The following LEPR variants were observed in gnomAD, a reference collection of about 807,000 sequenced individuals.
LEPR encodes the protein OB receptor.
In LEPR, 56 loss-of-function variants were observed where a neutral mutation model predicts 114.7. The observed-to-expected ratio is 0.49, with a 90% CI of 0.39 to 0.61. LEPR has a LOEUF of 0.61. Ranked by LOEUF, LEPR falls within the 20% of genes least tolerant of loss-of-function variation. The pLI is 0.00. For synonymous variants in LEPR, 443 were observed against 461.4 expected (o/e 0.96, Z 0.51); for missense variants, 1,202 against 1,352.9 (o/e 0.89, Z 1.75).
chr1:65,537,464 T>G (rs1337968915), intron 2 of LEPR, among the ~76,000 whole-genome samples: 1 of 152,074 alleles, frequency 6.6e-6, no homozygotes, highest in Non-Finnish European at 1.5e-5. Flanking sequence ...CTGCTTTTCT[T>G]TTTTTTTCAT....
intron 2 of LEPR, among the ~76,000 whole-genome samples, chr1:65,504,577 G>A (rs544571861): frequency 6.6e-6 from 1 of 152,256 alleles, no homozygotes; most frequent in South Asian, 2.1e-4. Flanking sequence ...CAAAATATCA[G>A]TACTTCTTAA....
At chr1:65,516,949 A>G (rs1649317195) in intron 2 of LEPR, among the ~76,000 whole-genome samples, 1 of 152,180 alleles carries the variant, frequency 6.6e-6, no homozygotes, top group Non-Finnish European at 1.5e-5. Flanking sequence ...TTGTAGCAAC[A>G]CGAAATCGCA....
intron 2 of LEPR, among the ~76,000 whole-genome samples, chr1:65,471,317 G>C (rs1359745054): frequency 6.6e-6 from 1 of 152,168 alleles, no homozygotes; most frequent in Non-Finnish European, 1.5e-5. Context: ...TTTATGATAA[G>C]GGGTTGTGGG....
chr1:65,613,926 C>CA (rs59673658), intron 14 of LEPR, among the ~76,000 whole-genome samples: 31,672 of 148,146 alleles, frequency 0.21, 4,414 homozygotes, highest in East Asian at 0.78. Context: ...GGCTAAAATC[C>CA]AAAAAAAAAA....
intron 2 of LEPR, among the ~76,000 whole-genome samples, chr1:65,511,934 G>A (rs1482617500): frequency 1.3e-5 from 2 of 152,146 alleles, no homozygotes. Flanking sequence ...AATTTATAGA[G>A]AAAAGAGGTT....
chr1:65,498,517 G>A lies in LEPR; in HGVS notation c.-20-67029G>A, dbSNP rs549933822. 9.2e-4 allele frequency among the ~76,000 whole-genome samples: 140 copies of A among 152,236 alleles called. 1 individual carries two copies. The highest frequency in any genetic ancestry group is 1.9e-3 in the Non-Finnish European group (130 of 68,006). ...ATAATGACCCAAGAATGACGATGGC[G>A]AAATATGACATTTTCTGGTGTTGGG... On this transcript the variant is annotated intron_variant, in intron 2 of 19. Coordinates refer to ENST00000349533, the MANE Select transcript of LEPR (RefSeq NM_002303.6).
chr1:65,501,817 G>A (rs1176460706), intron 2 of LEPR, among the ~76,000 whole-genome samples: 1 of 152,030 alleles, frequency 6.6e-6, no homozygotes, highest in Non-Finnish European at 1.5e-5. Flanking sequence ...GAGGATATTC[G>A]AGATACAGTG....
At chr1:65,453,580 T>A (rs1475250627) in intron 2 of LEPR, among the ~76,000 whole-genome samples, 1 of 152,210 alleles carries the variant, frequency 6.6e-6, no homozygotes, top group South Asian at 2.1e-4. Context: ...TTCCATGTAG[T>A]TGAGCGGTTT....
In LEPR at chr1:65,518,929, GTTTC is replaced by G. The variant is rs1454929510; in HGVS notation, c.-20-46607_-20-46604del. Among the ~76,000 whole-genome samples, 9 of 89,096 alleles carry G rather than the reference GTTTC, an allele frequency of 1.0e-4. 1 individual carries two copies. Among genetic ancestry groups the G allele is most frequent in the East Asian group, 8.4e-4 (2 of 2,370 alleles). The allele number at this position is 89,096 out of a possible 152,430, so 58.5% of individuals were successfully genotyped here. The stretch of plus-strand genomic sequence containing the variant: ...TCTTTCTTTCTTTCTCTCTTTCTCT[GTTTC>G]TTTCTTTCTCTTTCTTCTTTCTTCT... On this transcript the variant is annotated intron_variant, in intron 2 of 19. Coordinates refer to ENST00000349533, the MANE Select transcript of LEPR (RefSeq NM_002303.6).
intron 2 of LEPR, among the ~76,000 whole-genome samples, chr1:65,532,547 C>T (rs1489382233): frequency 6.6e-6 from 1 of 152,126 alleles, no homozygotes; most frequent in East Asian, 1.9e-4. Context: ...TCAGTGGCAA[C>T]ATTCTTCATA....
At chr1:65,468,659 G>T (rs905839729) in intron 2 of LEPR, among the ~76,000 whole-genome samples, 1 of 152,210 alleles carries the variant, frequency 6.6e-6, no homozygotes, top group African/African-American at 2.4e-5. Context: ...GTTTGTTTCT[G>T]CTCTGCTGTC....
At chr1:65,627,231 T>A (rs530186445) in intron 19 of LEPR, among the ~76,000 whole-genome samples, 2 of 152,326 alleles carry the variant, frequency 1.3e-5, no homozygotes, top group East Asian at 3.9e-4. Context: ...CTTAATATGC[T>A]TAATGCCACT....
intron 5 of LEPR, among the ~76,000 whole-genome samples, chr1:65,590,118 A>G (rs1015209169): frequency 2.0e-5 from 3 of 151,806 alleles, no homozygotes; most frequent in African/African-American, 7.3e-5. Flanking sequence ...CATAGTTTTC[A>G]ATGTGCAGAT....
intron 2 of LEPR, among the ~76,000 whole-genome samples, chr1:65,456,137 C>T (rs970153680): frequency 3.9e-5 from 6 of 152,124 alleles, no homozygotes; most frequent in African/African-American, 7.2e-5. Flanking sequence ...CGCCCAGCTT[C>T]GGCTCGTGCA....
At chr1:65,584,701 C>T (rs1468869327) in intron 5 of LEPR, among the ~76,000 whole-genome samples, 3 of 152,076 alleles carry the variant, frequency 2.0e-5, no homozygotes. Flanking sequence ...TTTGCCTTTA[C>T]TAAGGCTAAT....
rs148665719 is a variant in LEPR, at chr1:65,488,338, C to CTT, written c.-21+62967_-21+62968dup. Among the ~76,000 whole-genome samples the CTT allele has an allele frequency of 1.2e-3, 161 of 129,370 alleles. 3 individuals are homozygous for CTT. In the South Asian group the frequency reaches 0.014, roughly 11 times the overall value. 84.9% of individuals were successfully genotyped at this position (129,370 alleles called of 152,430 possible). A position where few individuals can be genotyped will look rare whatever the true frequency, so the allele number is the denominator to read the frequency against. On this transcript the variant is annotated intron_variant, in intron 2 of 19. Coordinates refer to ENST00000349533, the MANE Select transcript of LEPR (RefSeq NM_002303.6). Reference sequence around the variant, plus strand: ...TCTTTTTTTCTTTCTTCTTCTTCTTCTTTTTTTTAACAGGATCTCATTCCA... The same window carrying CTT: ...TCTTTTTTTCTTTCTTCTTCTTCTTCTTTTTTTTTTAACAGGATCTCATTCCA...
intron 18 of LEPR, among the ~76,000 whole-genome samples, chr1:65,622,145 T>TA (rs1657924648): frequency 6.6e-6 from 1 of 151,918 alleles, no homozygotes; most frequent in African/African-American, 2.4e-5. Context: ...ATTTAGTTTT[T>TA]TAAAAAAAAT....
chr1:65,609,978 C>G lies in LEPR; in HGVS notation c.1784C>G (p.Ser595Cys). 2 of 1,614,166 alleles carry G rather than the reference C, an allele frequency of 1.2e-6. No individual in the cohort carries two copies. The highest frequency in any genetic ancestry group is 1.7e-6 in the Non-Finnish European group (2 of 1,180,000). The change falls in exon 13 of 20, where the codon TCT becomes TGT. Residue 595 changes from serine to cysteine, a missense_variant. Coordinates refer to ENST00000349533, the MANE Select transcript of LEPR (RefSeq NM_002303.6). ...MYEVYDAKSK[S>C]VSLPVPDLCA... is the part of the protein sequence containing the mutation. Reference sequence around the variant, plus strand: ...GAGGTTTATGATGCAAAATCAAAATCTGTCAGTCTCCCAGTTCCAGACTTG... The same window carrying G: ...GAGGTTTATGATGCAAAATCAAAATGTGTCAGTCTCCCAGTTCCAGACTTG...
intron 2 of LEPR, among the ~76,000 whole-genome samples, chr1:65,444,673 G>C (rs1183858497): frequency 2.0e-5 from 3 of 152,280 alleles, no homozygotes; most frequent in Non-Finnish European, 4.4e-5. Context: ...AAACAAAGGA[G>C]AGGAAAGGAG....
Sources: gnomAD v4.1 joint callset for allele counts (sites outside exome capture counted in the v4.1 genomes callset) on GRCh38, gnomAD v4.1.1 for gene constraint, MANE v1.5 for transcripts, NCBI Gene and HGNC (gene_info 2026-07-23, HGNC 2026-07-21) for gene names.